The following SCEL variants were observed in gnomAD, a reference collection of about 807,000 sequenced individuals.
SCEL encodes sciellin.
A neutral mutation model predicts 117.6 loss-of-function variants in SCEL; 113 were observed. The observed-to-expected ratio is 0.96, with a 90% CI of 0.83 to 1.12. The LOEUF (loss-of-function observed/expected upper bound fraction) is 1.12. SCEL is among the 50% of genes most tolerant of loss of function. The pLI is 0.00. For missense variants in SCEL, 785 were observed against 810.8 expected (o/e 0.97, Z 0.39); for synonymous variants, 270 against 256.2 (o/e 1.05, Z -0.51).
At chr13:77,593,280 G>GCGCGCGTC (rs2086990970) in intron 11 of SCEL, among the ~76,000 whole-genome samples, 1 of 112,246 alleles carries the variant, frequency 8.9e-6, no homozygotes, top group Non-Finnish European at 1.7e-5. Flanking sequence ...GTGTGTGTGT[G>GCGCGCGTC]TGTGTGTGTG....
At chr13:77,593,298 C>CTGTGTG (rs112759213) in intron 11 of SCEL, among the ~76,000 whole-genome samples, 27 of 73,676 alleles carry the variant, frequency 3.7e-4, no homozygotes, top group Non-Finnish European at 1.1e-4. Flanking sequence ...GTGTGTGTGT[C>CTGTGTG]TGTGTGTGTG....
At chr13:77,638,874 C>T (rs1264845975) in intron 30 of SCEL, among the ~76,000 whole-genome samples, 2 of 152,074 alleles carry the variant, frequency 1.3e-5, no homozygotes, top group African/African-American at 4.8e-5. Context: ...CCACCAACCC[C>T]TCATCCCCAC....
chr13:77,593,463 CA>C, intron 11 of SCEL, 50 bp from the exon 12 acceptor site: 1 of 1,435,968 alleles, frequency 7.0e-7, no homozygotes, highest in Non-Finnish European at 9.7e-7. Flanking sequence ...TTAGCTCCTT[CA>C]AAAATAGCTC....
At position 77,627,947 on chromosome 13, in the gene SCEL, A is replaced by G; in HGVS notation, c.1629A>G (p.Arg543=). 5.7e-6 allele frequency: 8 copies of G among 1,403,190 alleles called. No individual in the cohort carries two copies. The highest frequency in any genetic ancestry group is 6.9e-6 in the Non-Finnish European group (7 of 1,018,184). 86.9% of individuals were successfully genotyped at this position (1,403,190 alleles called of 1,614,324 possible). The change falls in exon 28 of 33, where the codon CGA becomes CGG. Residue 543 remains arginine (R), a splice_region_variant and synonymous_variant. Transcript: ENST00000349847. ...CATATATATATATTTTTTTCCTTAG[A>G]GACCAGAACCTGGAAAATTTAATTG... ...VKPSALRNTN[R]DQNLENLIEV...
At chr13:77,618,114 C>T (rs370130645) in intron 27 of SCEL, 54 bp downstream of exon 27, 176 of 1,339,380 alleles carry the variant, frequency 1.3e-4, no homozygotes, top group Non-Finnish European at 1.8e-4. Flanking sequence ...GTAGGAACTT[C>T]TCCCTCCCTC....
chr13:77,564,934 T>C (rs2085203057), intron 5 of SCEL, among the ~76,000 whole-genome samples: 1 of 152,224 alleles, frequency 6.6e-6, no homozygotes, highest in Admixed American at 6.5e-5. Context: ...AATGAGTTTG[T>C]AGTATATGTA....
chr13:77,567,643 A>T, intron 5 of SCEL, 37 bp from the exon 6 acceptor site: 1 of 1,439,674 alleles, frequency 6.9e-7, no homozygotes, highest in Non-Finnish European at 9.7e-7. Context: ...GATAATTTAA[A>T]TATTTATCCA....
intron 30 of SCEL, among the ~76,000 whole-genome samples, chr13:77,639,085 A>G (rs2090437887): frequency 6.6e-6 from 1 of 152,058 alleles, no homozygotes; most frequent in Non-Finnish European, 1.5e-5. Flanking sequence ...TCATGCATCT[A>G]GTTTCCCCAG....
At chr13:77,563,794 T>A (rs1567354187) in intron 4 of SCEL, 37 bp from the exon 5 acceptor site, 2 of 1,502,358 alleles carry the variant, frequency 1.3e-6, no homozygotes, top group Non-Finnish European at 1.8e-6. Flanking sequence ...TGTAATTGAT[T>A]TGATTTTTTT....
At chr13:77,609,762 A>T (rs1389342815) in intron 21 of SCEL, among the ~76,000 whole-genome samples, 1 of 152,168 alleles carries the variant, frequency 6.6e-6, no homozygotes, top group East Asian at 1.9e-4. Context: ...CATAGGATTG[A>T]TGTGAGTATT....
intron 1 of SCEL, among the ~76,000 whole-genome samples, chr13:77,545,851 C>T (rs573336126): frequency 2.0e-5 from 3 of 152,354 alleles, no homozygotes; most frequent in African/African-American, 4.8e-5. Context: ...TGGCAGGGGC[C>T]TTCACTGATT....
chr13:77,574,121 G>T (rs924087255), intron 9 of SCEL, among the ~76,000 whole-genome samples: 4 of 152,052 alleles, frequency 2.6e-5, no homozygotes, highest in African/African-American at 4.8e-5. Context: ...CATTCCAATT[G>T]TTCATTATTC....
chr13:77,608,155 A>C, intron 20 of SCEL, 40 bp downstream of exon 20: 1 of 1,482,206 alleles, frequency 6.7e-7, no homozygotes, highest in Non-Finnish European at 9.3e-7. Flanking sequence ...CCCCTTCCCC[A>C]TCCATTTGTG....
intron 2 of SCEL, among the ~76,000 whole-genome samples, 172 bp from the exon 3 acceptor site, chr13:77,556,424 G>T (rs1382227599): frequency 6.6e-6 from 1 of 152,180 alleles, no homozygotes; most frequent in African/African-American, 2.4e-5. Flanking sequence ...TGGTGATGGG[G>T]TGTGGGATCT....
At chr13:77,548,357 C>A (rs1345731057) in intron 1 of SCEL, among the ~76,000 whole-genome samples, 1 of 152,134 alleles carries the variant, frequency 6.6e-6, no homozygotes, top group East Asian at 1.9e-4. Context: ...TAAGATGTCA[C>A]CTGTTCAGGC....
intron 12 of SCEL, among the ~76,000 whole-genome samples, chr13:77,595,638 T>C (rs369125483): frequency 3.9e-5 from 6 of 152,192 alleles, no homozygotes; most frequent in African/African-American, 9.7e-5. Flanking sequence ...GCTCTTTCCC[T>C]TGGGGACATG....
intron 9 of SCEL, among the ~76,000 whole-genome samples, chr13:77,582,132 C>A (rs912403514): frequency 3.3e-5 from 5 of 152,136 alleles, no homozygotes; most frequent in African/African-American, 1.2e-4. Context: ...TAGCTATGTG[C>A]AGAATGTCAT....
Position 77,550,662 on chromosome 13 carries a change from C to G in SCEL, c.-19-5195C>G, listed in dbSNP as rs371257276. Among the ~76,000 whole-genome samples, 5 of 152,096 alleles carry G rather than the reference C, an allele frequency of 3.3e-5. No individual in the cohort carries two copies. The South Asian group carries it at 6.2e-4, about 19-fold the overall frequency. On this transcript the variant is annotated intron_variant, in intron 1 of 32. Transcript: ENST00000349847. ...GCTTCTTTCATTTAACTTAATGTTT[C>G]AAGTTTCATCCACATTGTAAGATGA...
intron 1 of SCEL, among the ~76,000 whole-genome samples, chr13:77,541,359 G>C (rs2083692019): frequency 6.6e-6 from 1 of 152,152 alleles, no homozygotes; most frequent in Admixed American, 6.5e-5. Flanking sequence ...GCAAATGAGT[G>C]AACACTCATA....
Sources: gnomAD v4.1 joint callset for allele counts (sites outside exome capture counted in the v4.1 genomes callset) on GRCh38, gnomAD v4.1.1 for gene constraint, MANE v1.5 for transcripts, NCBI Gene and HGNC (gene_info 2026-07-23, HGNC 2026-07-21) for gene names.